The following FMNL2 variants were observed in gnomAD, a reference collection of about 807,000 sequenced individuals.
FMNL2 encodes formin like 2.
In FMNL2, 51 loss-of-function variants were observed where a neutral mutation model predicts 130.2. That is an observed-to-expected ratio of 0.39 (90% CI 0.31 to 0.49). The LOEUF is 0.49. Among genes scored for constraint, FMNL2 ranks in the 20% least tolerant of loss-of-function variants. FMNL2 has a pLI of 0.85. For missense variants in FMNL2, 977 were observed against 1,316.2 expected (o/e 0.74, Z 3.99); for synonymous variants, 465 against 467.1 (o/e 1.00, Z 0.06).
In FMNL2 at chr2:152,484,476, G is replaced by GA. The variant is rs762086772; in HGVS notation, c.118-37455dup. Among the ~76,000 whole-genome samples, 723 of 143,760 alleles carry GA rather than the reference G, an allele frequency of 5.0e-3. 2 individuals carry two copies. Among genetic ancestry groups the GA allele is most frequent in the African/African-American group, 0.015 (578 of 39,412 alleles). The allele number at this position is 143,760 out of a possible 152,430, so 94.3% of individuals were successfully genotyped here. Reference sequence around the variant, plus strand: ...CCAATACAGCAAGACTGTGTCTCTTGAAAAAAAAAAAATAGCTGGAAGTGG... The same window carrying GA: ...CCAATACAGCAAGACTGTGTCTCTTGAAAAAAAAAAAAATAGCTGGAAGTGG... On this transcript the variant is annotated intron_variant, in intron 1 of 25. Coordinates refer to ENST00000288670, the MANE Select transcript of FMNL2 (RefSeq NM_052905.4).
At chr2:152,482,476 A>G (rs1160324646) in intron 1 of FMNL2, among the ~76,000 whole-genome samples, 1 of 152,178 alleles carries the variant, frequency 6.6e-6, no homozygotes, top group Non-Finnish European at 1.5e-5. Context: ...TTGCTCTTCT[A>G]GGATCCTCAT....
At chr2:152,364,259 G>GGTTTTTT (rs1553868318) in intron 1 of FMNL2, among the ~76,000 whole-genome samples, 1 of 100,798 alleles carries the variant, frequency 9.9e-6, no homozygotes, top group African/African-American at 4.4e-5. Context: ...GGAGGTTTGT[G>GGTTTTTT]TGTTTTTTTT....
At chr2:152,457,831 A>G (rs1391940021) in intron 1 of FMNL2, among the ~76,000 whole-genome samples, 4 of 152,162 alleles carry the variant, frequency 2.6e-5, no homozygotes, top group Non-Finnish European at 5.9e-5. Flanking sequence ...GGCTATTTCC[A>G]GCTTTTAGAA....
At chr2:152,423,576 A>G (rs896468582) in intron 1 of FMNL2, among the ~76,000 whole-genome samples, 32 of 152,208 alleles carry the variant, frequency 2.1e-4, no homozygotes, top group African/African-American at 7.5e-4. Flanking sequence ...ATGCCTTAGT[A>G]CAGAATAAAA....
intron 1 of FMNL2, among the ~76,000 whole-genome samples, chr2:152,481,640 A>G (rs1469463553): frequency 6.6e-6 from 1 of 152,218 alleles, no homozygotes; most frequent in Admixed American, 6.5e-5. Context: ...CTACAGCTAC[A>G]GCGTTTTTGT....
chr2:152,602,719 A>C (rs753881410), intron 9 of FMNL2, among the ~76,000 whole-genome samples: 5 of 152,254 alleles, frequency 3.3e-5, no homozygotes, highest in African/African-American at 4.8e-5. Context: ...CCATCAATAT[A>C]GAATGTGTAA....
At chr2:152,505,334 T>C (rs1692106007) in intron 1 of FMNL2, among the ~76,000 whole-genome samples, 1 of 152,122 alleles carries the variant, frequency 6.6e-6, no homozygotes, top group Admixed American at 6.5e-5. Flanking sequence ...GATATTAAAA[T>C]TTATCTAAGG....
intron 25 of FMNL2, among the ~76,000 whole-genome samples, chr2:152,645,156 T>C (rs1049533324): frequency 2.6e-5 from 4 of 152,224 alleles, no homozygotes; most frequent in Admixed American, 1.3e-4. Flanking sequence ...TGTCATCTGC[T>C]TGGCTGATGT....
At chr2:152,435,127 T>C (rs1319409067) in intron 1 of FMNL2, among the ~76,000 whole-genome samples, 1 of 152,180 alleles carries the variant, frequency 6.6e-6, no homozygotes, top group East Asian at 1.9e-4. Flanking sequence ...CTAAATTTTT[T>C]GACTCAGATA....
At chr2:152,545,224 G>A (rs1259120946) in intron 3 of FMNL2, among the ~76,000 whole-genome samples, 2 of 152,172 alleles carry the variant, frequency 1.3e-5, no homozygotes, top group Non-Finnish European at 2.9e-5. Context: ...ATAAGACATG[G>A]CTTGCAGTTA....
At chr2:152,647,612 T>TTTGA (rs1192938108) in intron 25 of FMNL2, among the ~76,000 whole-genome samples, 184 bp from the exon 26 acceptor site, 5 of 152,334 alleles carry the variant, frequency 3.3e-5, no homozygotes, top group East Asian at 3.9e-4. Flanking sequence ...TCCTGTTTTG[T>TTTGA]TTGATTGTAA....
intron 1 of FMNL2, among the ~76,000 whole-genome samples, chr2:152,385,013 G>A (rs977007591): frequency 1.3e-5 from 2 of 152,140 alleles, no homozygotes; most frequent in Admixed American, 1.3e-4. Context: ...AAGAAACTCC[G>A]AGGCCATGCT....
intron 10 of FMNL2, among the ~76,000 whole-genome samples, chr2:152,608,361 AAAAAAAAAAAG>A (rs1178289776): frequency 0.16 from 2,643 of 16,856 alleles, 49 homozygotes; most frequent in Non-Finnish European, 0.18. Flanking sequence ...CCTTTTTGTG[AAAAAAAAAAAG>A]AAAAAAAAAA....
chr2:152,509,396 AT>A (rs879677668), intron 1 of FMNL2, among the ~76,000 whole-genome samples: 106 of 145,522 alleles, frequency 7.3e-4, no homozygotes, highest in Admixed American at 1.1e-3. Flanking sequence ...TTATTATGGG[AT>A]TTTTTTTTTT....
At chr2:152,519,207 CT>C (rs1692939687) in intron 1 of FMNL2, among the ~76,000 whole-genome samples, 1 of 152,108 alleles carries the variant, frequency 6.6e-6, no homozygotes, top group Non-Finnish European at 1.5e-5. Flanking sequence ...ACTGTCTAAT[CT>C]AAGACTACCC....
rs575317428 is a variant in FMNL2, at chr2:152,596,092, G to A, written c.877-11247G>A. Among the ~76,000 whole-genome samples the A allele has an allele frequency of 7.9e-5, 12 of 151,542 alleles. No homozygotes were observed. The South Asian group carries it at 2.3e-3, about 29-fold the overall frequency. ...ATTCTCCCGCCTCTGCCTCCAGAAC[G>A]GCTGGGATTATAGGCATGTGCCACA... On this transcript the variant is annotated intron_variant, in intron 9 of 25. Coordinates refer to ENST00000288670, the MANE Select transcript of FMNL2 (RefSeq NM_052905.4).
intron 1 of FMNL2, among the ~76,000 whole-genome samples, chr2:152,405,300 CT>C (rs914417000): frequency 1.3e-5 from 2 of 152,068 alleles, no homozygotes; most frequent in African/African-American, 4.8e-5. Context: ...CCTTTCTGGT[CT>C]TTTTTGGAGC....
chr2:152,408,264 A>G (rs1686103754), intron 1 of FMNL2, among the ~76,000 whole-genome samples: 1 of 152,240 alleles, frequency 6.6e-6, no homozygotes, highest in Admixed American at 6.5e-5. Flanking sequence ...AACACTTTTA[A>G]ACACAATGAA....
rs987848645 is a variant in FMNL2 at position 152,470,213 on chromosome 2, A to G, written c.118-51730A>G. 2.0e-5 allele frequency among the ~76,000 whole-genome samples: 3 copies of G among 152,220 alleles called. No homozygotes were observed. In the East Asian group the frequency reaches 5.8e-4, roughly 29 times the overall value. ...GGCTGAATAATGCAATGTTTACGGCATACACAGGAAGTGGGAAGACCTGGG... is the reference window on the plus strand; with the variant it reads ...GGCTGAATAATGCAATGTTTACGGCGTACACAGGAAGTGGGAAGACCTGGG... On this transcript the variant is annotated intron_variant, in intron 1 of 25. Transcript: ENST00000288670.
Sources: gnomAD v4.1 joint callset for allele counts (sites outside exome capture counted in the v4.1 genomes callset) on GRCh38, gnomAD v4.1.1 for gene constraint, MANE v1.5 for transcripts, NCBI Gene and HGNC (gene_info 2026-07-23, HGNC 2026-07-21) for gene names.